Variants in DCC observed in about 807,000 individuals in gnomAD.
DCC encodes the protein DCC netrin 1 receptor, also known as netrin receptor DCC.
A neutral mutation model predicts 172.5 loss-of-function variants in DCC; 58 were observed. The observed-to-expected ratio is 0.34, with a 90% CI of 0.27 to 0.42. The LOEUF is 0.42. Ranked by LOEUF, DCC falls within the 10% of genes least tolerant of loss-of-function variation. The pLI, the probability that DCC is intolerant of heterozygous loss-of-function variation, is 1.00. For missense variants in DCC, 1,740 were observed against 1,791.0 expected (o/e 0.97, Z 0.51); for synonymous variants, 709 against 644.5 (o/e 1.10, Z -1.52).
At chr18:53,431,570 C>T (rs1179404606) in intron 21 of DCC, among the ~76,000 whole-genome samples, 1 of 151,986 alleles carries the variant, frequency 6.6e-6, no homozygotes, top group East Asian at 1.9e-4. Flanking sequence ...TCACTGCAAC[C>T]TCTACCTCCT....
At position 53,316,616 on chromosome 18, in the gene DCC, T is replaced by C. The variant is rs576350598; in HGVS notation, c.2054-5431T>C. ...CATGGAATGTTTTTCCATTTGTTTG[T>C]GTCCTTTCTTATTTCCTTGAGCAAT... is the stretch of plus-strand genomic sequence containing the variant. On this transcript the variant is annotated intron_variant, in intron 13 of 28. Coordinates refer to ENST00000442544, the MANE Select transcript of DCC (RefSeq NM_005215.4). Among the ~76,000 whole-genome samples the C allele has an allele frequency of 2.0e-4, 30 of 152,326 alleles. No homozygotes were observed. In the South Asian group the frequency reaches 5.0e-3, roughly 25 times the overall value.
rs187151802 is a variant in DCC at position 52,496,413 on chromosome 18, A to T, written c.91+155535A>T. Among the ~76,000 whole-genome samples, 1,166 of 152,288 alleles carry T rather than the reference A, an allele frequency of 7.7e-3. 16 individuals are homozygous for T. Among genetic ancestry groups the T allele is most frequent in the Non-Finnish European group, 9.1e-3 (616 of 68,010 alleles). ...TTTTAAAAATAGCATAGCTAGTTTT[A>T]TATGTGGGTTGAATATAGTCAAAAC... On this transcript the variant is annotated intron_variant, in intron 1 of 28. Coordinates refer to ENST00000442544, the MANE Select transcript of DCC (RefSeq NM_005215.4).
intron 1 of DCC, among the ~76,000 whole-genome samples, chr18:52,680,421 A>G (rs568314416): frequency 2.0e-5 from 3 of 152,132 alleles, no homozygotes; most frequent in South Asian, 4.1e-4. Context: ...ACTGTTCTGC[A>G]GGGAAGCCCT....
At chr18:52,561,132 G>A (rs2033027051) in intron 1 of DCC, among the ~76,000 whole-genome samples, 1 of 151,854 alleles carries the variant, frequency 6.6e-6, no homozygotes, top group African/African-American at 2.4e-5. Flanking sequence ...GCCCATAAAA[G>A]TGATGATTTA....
At chr18:52,923,955 G>A (rs2145486375) in intron 4 of DCC, 98 bp downstream of exon 4, 1 of 871,380 alleles carries the variant, frequency 1.1e-6, no homozygotes, top group East Asian at 2.5e-5. Context: ...TACAGTACTA[G>A]GGTTTTTCAT....
At chr18:53,096,521 T>C (rs1185500714) in intron 7 of DCC, among the ~76,000 whole-genome samples, 1 of 152,162 alleles carries the variant, frequency 6.6e-6, no homozygotes, top group African/African-American at 2.4e-5. Flanking sequence ...TGTGCTGGCC[T>C]CTAGATTTTG....
intron 7 of DCC, among the ~76,000 whole-genome samples, chr18:53,071,720 A>C (rs2042653592): frequency 6.6e-6 from 1 of 152,182 alleles, no homozygotes; most frequent in South Asian, 2.1e-4. Flanking sequence ...GTTTGTTTTA[A>C]TTAATTTTTG....
At chr18:53,219,094 T>G (rs1254983913) in intron 12 of DCC, among the ~76,000 whole-genome samples, 5 of 152,156 alleles carry the variant, frequency 3.3e-5, no homozygotes, top group Non-Finnish European at 7.4e-5. Context: ...TGTACCTGTT[T>G]TAATGTCATA....
At chr18:53,466,027 G>A (rs1033644717) in intron 24 of DCC, among the ~76,000 whole-genome samples, 9 of 152,114 alleles carry the variant, frequency 5.9e-5, no homozygotes, top group African/African-American at 1.4e-4. Context: ...GCCTCCCAAA[G>A]TGCTGGGATT....
chr18:53,049,034 T>G (rs946410334), intron 5 of DCC, among the ~76,000 whole-genome samples: 1 of 152,108 alleles, frequency 6.6e-6, no homozygotes, highest in South Asian at 2.1e-4. Context: ...TGGGGTTGTT[T>G]AGTATTTTTT....
chr18:53,332,375 A>G (rs1469841989), intron 14 of DCC, among the ~76,000 whole-genome samples: 1 of 152,340 alleles, frequency 6.6e-6, no homozygotes, highest in East Asian at 1.9e-4. Flanking sequence ...GACAAAATGC[A>G]GTTAAAAATT....
chr18:52,568,154 T>C (rs1325254403), intron 1 of DCC, among the ~76,000 whole-genome samples: 1 of 152,158 alleles, frequency 6.6e-6, no homozygotes, highest in Non-Finnish European at 1.5e-5. Context: ...GAGTTTATAT[T>C]TGAAAATAAA....
rs34506336 is a variant in DCC, at chr18:52,875,229, CTT to C, written c.413-30804_413-30803del. On this transcript the variant is annotated intron_variant, in intron 2 of 28. Transcript: ENST00000442544. ...AAAGTTAAAACACACAACAGCGAAACTTTTTTTTTTTTCTGAAAAAAGGCTAC... is the reference window on the plus strand; with the variant it reads ...AAAGTTAAAACACACAACAGCGAAACTTTTTTTTTTCTGAAAAAAGGCTAC... Among the ~76,000 whole-genome samples, 336 of 148,620 alleles carry C rather than the reference CTT, an allele frequency of 2.3e-3. 1 individual carries two copies. The highest frequency in any genetic ancestry group is 7.0e-3 in the African/African-American group (284 of 40,600).
chr18:52,954,761 A>G (rs1222659102), intron 5 of DCC, among the ~76,000 whole-genome samples: 1 of 152,210 alleles, frequency 6.6e-6, no homozygotes, highest in African/African-American at 2.4e-5. Context: ...TTCGTTCCTC[A>G]GTCTCTTGTA....
At chr18:53,197,998 G>C (rs1220109525) in intron 9 of DCC, among the ~76,000 whole-genome samples, 1 of 152,032 alleles carries the variant, frequency 6.6e-6, no homozygotes, top group Admixed American at 6.6e-5. Context: ...CCGATGATTT[G>C]GAAAATAAAA....
rs1029453812 is a variant in DCC at position 53,534,894 on chromosome 18, G to A, written c.*4241G>A. 1 of 152,156 alleles carries A rather than the reference G, an allele frequency of 6.6e-6. No homozygotes were observed. Among genetic ancestry groups the A allele is most frequent in the Admixed American group, 6.5e-5 (1 of 15,270 alleles). 9.4% of individuals were successfully genotyped at this position (152,156 alleles called of 1,614,324 possible). A position where few individuals can be genotyped will look rare whatever the true frequency, so the allele number is the denominator to read the frequency against. On this transcript the variant is annotated 3_prime_UTR_variant, in exon 29 of 29. Coordinates refer to ENST00000442544, the MANE Select transcript of DCC (RefSeq NM_005215.4). ...TGGCAGACTTCCAGTTGCACTCTCT[G>A]AAGGACTTTTTTCTCTTACTCTCAA...
intron 9 of DCC, among the ~76,000 whole-genome samples, chr18:53,187,433 T>C (rs914044894): frequency 1.3e-5 from 2 of 152,168 alleles, no homozygotes; most frequent in Non-Finnish European, 2.9e-5. Context: ...TATTTCCTTT[T>C]TTTAACCTAA....
At chr18:53,385,216 T>C (rs1432775993) in intron 15 of DCC, among the ~76,000 whole-genome samples, 2 of 152,164 alleles carry the variant, frequency 1.3e-5, no homozygotes, top group Non-Finnish European at 2.9e-5. Flanking sequence ...AACTACAGGT[T>C]ACAAGTAGAA....
chr18:53,266,369 C>G (rs993041282), intron 12 of DCC, among the ~76,000 whole-genome samples: 3 of 152,086 alleles, frequency 2.0e-5, no homozygotes, highest in Admixed American at 2.0e-4. Context: ...TCACTTAATA[C>G]ATTTTTTTAT....
Sources: gnomAD v4.1 joint callset for allele counts (sites outside exome capture counted in the v4.1 genomes callset) on GRCh38, gnomAD v4.1.1 for gene constraint, MANE v1.5 for transcripts, NCBI Gene and HGNC (gene_info 2026-07-23, HGNC 2026-07-21) for gene names.